Variants in AP1B1 observed in about 807,000 individuals in gnomAD.
AP1B1 encodes AP-1 complex subunit beta-1.
AP1B1 carries 36 observed loss-of-function variants against 104.3 expected under a neutral mutation model. The ratio of observed to expected loss-of-function variants is 0.35; its 90% confidence interval spans 0.26 to 0.46. The LOEUF (loss-of-function observed/expected upper bound fraction) is 0.46, where lower values mean the gene tolerates loss of function less well. Among genes scored for constraint, AP1B1 ranks in the 20% least tolerant of loss-of-function variants. AP1B1 has a pLI of 1.00. For missense variants in AP1B1, 901 were observed against 1,247.9 expected, an observed-to-expected ratio of 0.72 and a Z score of 4.19; for synonymous variants, 504 against 517.5, an observed-to-expected ratio of 0.97 and a Z score of 0.35.
intron 7 of AP1B1, among the ~76,000 whole-genome samples, chr22:29,353,502 G>A (rs772424735): frequency 1.3e-5 from 2 of 152,132 alleles, no homozygotes; most frequent in Non-Finnish European, 1.5e-5. Context: ...TAGTCACTAC[G>A]CCGCATTAAA....
rs1455196010 is a variant in AP1B1, at chr22:29,341,641, C to T, written c.1656G>A (p.Thr552=). Residue 552 remains threonine, a synonymous_variant, in exon 13 of 23, where the codon ACG becomes ACA. Coordinates refer to ENST00000357586, the MANE Select transcript of AP1B1 (RefSeq NM_001127.4). ...LAEKPLISEE[T]DLIEPTLLDE... is the part of the protein sequence containing the mutation. ...CTAACAGTGTGGGCTCGATGAGGTC[C>T]GTCTCTTCAGAGATGAGTGGCTTCT... 11 of 1,614,228 alleles carry T rather than the reference C, an allele frequency of 6.8e-6. No homozygotes were observed. In the East Asian group the frequency reaches 1.1e-4, roughly 16 times the overall value.
At chr22:29,375,749 T>A (rs778253701) in intron 1 of AP1B1, among the ~76,000 whole-genome samples, 3 of 152,168 alleles carry the variant, frequency 2.0e-5, no homozygotes, top group Non-Finnish European at 4.4e-5. Flanking sequence ...TTTCTCCAAA[T>A]GTCAAACAAA....
chr22:29,376,450 A>G (rs1251577785), intron 1 of AP1B1, among the ~76,000 whole-genome samples: 1 of 152,224 alleles, frequency 6.6e-6, no homozygotes, highest in Non-Finnish European at 1.5e-5. Flanking sequence ...ACATTTCACA[A>G]GGTCAGATCC....
chr22:29,386,420 C>T (rs2062523414), intron 1 of AP1B1, among the ~76,000 whole-genome samples: 1 of 152,200 alleles, frequency 6.6e-6, no homozygotes, highest in East Asian at 1.9e-4. Flanking sequence ...TCTGAGGGAT[C>T]TGACTCTTTG....
At position 29,339,086 on chromosome 22, in the gene AP1B1, G is replaced by C. The variant is rs2061677212; in HGVS notation, c.2067C>G (p.Ala689=). 1 of 1,614,042 alleles carries C rather than the reference G, an allele frequency of 6.2e-7. No individual in the cohort carries two copies. The highest frequency in any genetic ancestry group is 1.3e-5 in the African/African-American group (1 of 74,900). ...FVAPPTAAVP[A]NLGAPIGSGL... ...CACTGCCGATGGGTGCTCCAAGATT[G>C]GCTGGTACTGCTGCTGTTGGAGGTG... The change falls in exon 16 of 23, where the codon GCC becomes GCG. Residue 689 remains alanine, a synonymous_variant. Transcript: ENST00000357586.
At position 29,369,353 on chromosome 22, in the gene AP1B1, G is replaced by A. The variant is rs570203821; in HGVS notation, c.-27-2083C>T. Reference sequence around the variant, plus strand: ...TCAGTAATCACTGGGAAACAAATACGTACTGTCTTGGGGTCACCTTAAATC... The same window carrying A: ...TCAGTAATCACTGGGAAACAAATACATACTGTCTTGGGGTCACCTTAAATC... On this transcript the variant is annotated intron_variant, in intron 1 of 22. Transcript: ENST00000357586. Among the ~76,000 whole-genome samples, 9 of 152,112 alleles carry A rather than the reference G, an allele frequency of 5.9e-5. No individual in the cohort carries two copies. In the South Asian group the frequency reaches 1.0e-3, roughly 18 times the overall value.
chr22:29,377,952 G>A (rs1375947623), intron 1 of AP1B1, among the ~76,000 whole-genome samples: 2 of 152,062 alleles, frequency 1.3e-5, no homozygotes, highest in Non-Finnish European at 2.9e-5. Flanking sequence ...GGCAGTGCCG[G>A]CACTCTCCAC....
chr22:29,388,006 C>A (rs1036388995), intron 1 of AP1B1, among the ~76,000 whole-genome samples: 1 of 152,154 alleles, frequency 6.6e-6, no homozygotes, highest in Non-Finnish European at 1.5e-5. Context: ...GGCACGGGAC[C>A]GTTTTCTAGT....
In AP1B1 at chr22:29,328,481, CG is replaced by C; in HGVS notation, c.*339del. The stretch of plus-strand genomic sequence containing the variant: ...GAGAGACCAAGGAGCCAGGGGCTGC[CG>C]GGGCTGTGAGCCGGAGGGGCAAGCT... On this transcript the variant is annotated 3_prime_UTR_variant, in exon 23 of 23. Transcript: ENST00000357586. This position sits in a 1 kb window ranked among gnomAD's most constrained non-coding sequence, Gnocchi z 4.1. 3.9e-6 allele frequency: 1 copy of C among 256,682 alleles called. No individual in the cohort carries two copies. Among genetic ancestry groups the C allele is most frequent in the Non-Finnish European group, 7.6e-6 (1 of 131,226 alleles). 15.9% of individuals were successfully genotyped at this position (256,682 alleles called of 1,614,324 possible). A position where few individuals can be genotyped will look rare whatever the true frequency, so the allele number is the denominator to read the frequency against.
intron 5 of AP1B1, among the ~76,000 whole-genome samples, chr22:29,357,603 T>C (rs530910838): frequency 3.3e-5 from 5 of 151,834 alleles, no homozygotes; most frequent in African/African-American, 1.2e-4. Flanking sequence ...TGACCTCAGG[T>C]GATCCACCCG....
intron 4 of AP1B1, 72 bp downstream of exon 4, chr22:29,359,752 G>T: frequency 6.5e-7 from 1 of 1,542,200 alleles, no homozygotes; most frequent in Non-Finnish European, 8.8e-7. Context: ...ACAGGGCCCC[G>T]CCCCAAAGAG....
rs184713424 is a variant in AP1B1, at chr22:29,353,822, T to C, written c.938+828A>G. Among the ~76,000 whole-genome samples the C allele has an allele frequency of 7.9e-5, 12 of 152,268 alleles. No homozygotes were observed. In the East Asian group the frequency reaches 2.1e-3, roughly 27 times the overall value. On this transcript the variant is annotated intron_variant, in intron 7 of 22. Coordinates refer to ENST00000357586, the MANE Select transcript of AP1B1 (RefSeq NM_001127.4). ...GTTGCTACTGTCAAGTCCCCACGAA[T>C]GATCAATGGTTGCTACTGTCAAGTC...
At chr22:29,338,906 C>T (rs530449554) in intron 16 of AP1B1, 84 bp downstream of exon 16, 45 of 1,560,928 alleles carry the variant, frequency 2.9e-5, no homozygotes, top group Middle Eastern at 3.4e-4. Context: ...GCCAATTCCA[C>T]AGCCGAGGCC....
At position 29,327,836 on chromosome 22, in the gene AP1B1, G is replaced by A. The variant is rs944735239; in HGVS notation, c.*985C>T. 2.0e-5 allele frequency: 3 copies of A among 152,152 alleles called. No homozygotes were observed. The highest frequency in any genetic ancestry group is 7.2e-5 in the African/African-American group (3 of 41,416). 9.4% of individuals were successfully genotyped at this position (152,152 alleles called of 1,614,324 possible). A position where few individuals can be genotyped will look rare whatever the true frequency, so the allele number is the denominator to read the frequency against. On this transcript the variant is annotated 3_prime_UTR_variant, in exon 23 of 23. Transcript: ENST00000357586. ...GCTTTCAATCCTGACATTCGGTGGA[G>A]GGGAAAAAAGTGTCCGTGATTGCCA...
rs774929168 is a variant in AP1B1 at position 29,334,427 on chromosome 22, G to A, written c.2164-17C>T. The A allele has an allele frequency of 1.3e-6, 2 of 1,590,956 alleles. No homozygotes were observed. The highest frequency in any genetic ancestry group is 2.7e-5 in the African/African-American group (2 of 73,630). On this transcript the variant is annotated splice_polypyrimidine_tract_variant and intron_variant, in intron 16 of 22. Transcript: ENST00000357586. Reference sequence around the variant, plus strand: ...GAGCCAGACCTGCAGGGAAGAGGGTGCGGAGGGGGCGGGTAGGTGCCTCTT... The same window carrying A: ...GAGCCAGACCTGCAGGGAAGAGGGTACGGAGGGGGCGGGTAGGTGCCTCTT...
intron 6 of AP1B1, 75 bp downstream of exon 6, chr22:29,356,351 G>A: frequency 2.1e-6 from 3 of 1,461,454 alleles, no homozygotes; most frequent in Non-Finnish European, 2.8e-6. Context: ...AAGGCCCAAG[G>A]CCCAGTGCCT....
chr22:29,364,817 T>A (rs550996091), intron 2 of AP1B1, among the ~76,000 whole-genome samples: 1 of 152,232 alleles, frequency 6.6e-6, no homozygotes, highest in South Asian at 2.1e-4. Flanking sequence ...CAAGCAATTC[T>A]GCTGCCTCAG....
intron 16 of AP1B1, among the ~76,000 whole-genome samples, chr22:29,337,267 T>C (rs1017449047): frequency 2.0e-5 from 3 of 152,096 alleles, no homozygotes; most frequent in South Asian, 4.1e-4. Context: ...AACCACGAAA[T>C]AGGAGGAAGA....
intron 15 of AP1B1, 93 bp from the exon 16 acceptor site, chr22:29,339,226 C>T: frequency 6.8e-7 from 1 of 1,465,678 alleles, no homozygotes; most frequent in Non-Finnish European, 9.5e-7. Flanking sequence ...CTTTAGAAGA[C>T]ACTGGGGGCA....
Sources: allele counts gnomAD v4.1 joint callset (sites outside exome capture counted in the v4.1 genomes callset), GRCh38; gene constraint gnomAD v4.1.1; non-coding constraint Gnocchi (gnomAD v3.1); transcripts MANE v1.5; gene names NCBI Gene and HGNC (gene_info 2026-07-23, HGNC 2026-07-21).